Variants in ZBED6 observed in about 807,000 individuals in gnomAD.
ZBED6 encodes the protein zinc finger BED-type containing 6, also known as zinc finger BED domain-containing protein 6.
A neutral mutation model predicts 58.4 loss-of-function variants in ZBED6; 40 were observed. That is an observed-to-expected ratio of 0.68 (90% CI 0.53 to 0.89). The LOEUF is 0.89. ZBED6 is among the 40% of genes least tolerant of loss of function. The pLI is 0.00. For synonymous variants in ZBED6, 439 were observed against 350.6 expected, an observed-to-expected ratio of 1.25 and a Z score of -2.82; for missense variants, 1,057 against 1,003.9, an observed-to-expected ratio of 1.05 and a Z score of -0.71.
intron 16 of ZBED6, 148 bp from the exon 17 acceptor site, chr1:203,851,993 A>C: frequency 1.6e-6 from 1 of 616,920 alleles, no homozygotes; most frequent in Non-Finnish European, 2.6e-6. Context: ...AAAAAAAAAA[A>C]AAGCTTGATC....
chr1:203,831,163 C>T (rs529093669), intron 7 of ZBED6, among the ~76,000 whole-genome samples: 7 of 151,820 alleles, frequency 4.6e-5, no homozygotes, highest in African/African-American at 9.7e-5. Flanking sequence ...GGGCTGGTCT[C>T]GAACTCCCAA....
chr1:203,830,008 C>T (rs918039293), intron 6 of ZBED6, 112 bp downstream of exon 6: 1 of 1,296,950 alleles, frequency 7.7e-7, no homozygotes, highest in Non-Finnish European at 1.1e-6. Flanking sequence ...CGCATACTTA[C>T]CTATACTTAG....
intron 3 of ZBED6, among the ~76,000 whole-genome samples, chr1:203,823,659 GCTAA>G (rs1324272420): frequency 4.6e-5 from 7 of 152,200 alleles, no homozygotes; most frequent in Non-Finnish European, 8.8e-5. Context: ...GAGCTGCTAT[GCTAA>G]CTCTTTTCTG....
chr1:203,821,048 C>T (rs1678489694), intron 3 of ZBED6, among the ~76,000 whole-genome samples: 1 of 152,138 alleles, frequency 6.6e-6, no homozygotes, highest in Admixed American at 6.5e-5. Flanking sequence ...ACCTGAATCT[C>T]ACCTCTATCG....
Position 203,847,259 on chromosome 1 carries a change from G to A in ZBED6, c.*3817G>A, listed in dbSNP as rs41264263. 8.8e-4 allele frequency: 1,421 copies of A among 1,613,858 alleles called. 1 individual carries two copies. Among genetic ancestry groups the A allele is most frequent in the Admixed American group, 1.8e-3 (109 of 59,998 alleles). The stretch of plus-strand genomic sequence containing the variant: ...CTTCTTGAAAGAGCCAGTCAGAAAC[G>A]TGGAGAATTGCAAACTAAACTCAAG... On this transcript the variant is annotated 3_prime_UTR_variant, in exon 12 of 17. Coordinates refer to ENST00000550078, the Ensembl canonical transcript of ZBED6.
At chr1:203,837,892 C>T (rs573629327) in intron 9 of ZBED6, 74 bp from the exon 10 acceptor site, 18 of 1,382,836 alleles carry the variant, frequency 1.3e-5, no homozygotes, top group Non-Finnish European at 1.8e-5. Context: ...GCTATGTTGT[C>T]TGTTTTTGTT....
At chr1:203,824,555 A>G (rs1679857081) in intron 3 of ZBED6, among the ~76,000 whole-genome samples, 1 of 152,190 alleles carries the variant, frequency 6.6e-6, no homozygotes, top group Non-Finnish European at 1.5e-5. Flanking sequence ...AAAAAATTTG[A>G]GTCATCTGAC....
chr1:203,809,417 C>T (rs1673577929), intron 1 of ZBED6, among the ~76,000 whole-genome samples: 3 of 151,756 alleles, frequency 2.0e-5, no homozygotes, highest in Non-Finnish European at 4.4e-5. Flanking sequence ...CCTCGTGATC[C>T]GCCCATCTCC....
At chr1:203,797,383 A>G (rs1668893381) in exon 1 of ZBED6, 2 of 761,452 alleles carry the variant, frequency 2.6e-6, no homozygotes, top group South Asian at 4.8e-5. Context: ...CCTGGCTTGG[A>G]AGTTATTGGT....
intron 3 of ZBED6, among the ~76,000 whole-genome samples, chr1:203,821,836 C>A (rs571063399): frequency 2.3e-4 from 35 of 151,980 alleles, no homozygotes; most frequent in Admixed American, 2.1e-3. Context: ...CCGCTCACTG[C>A]AAGCTCCGCC....
At chr1:203,807,537 G>GT (rs1672793998) in intron 1 of ZBED6, among the ~76,000 whole-genome samples, 1 of 149,104 alleles carries the variant, frequency 6.7e-6, no homozygotes, top group Non-Finnish European at 1.5e-5. Context: ...TTTTTTGTTG[G>GT]TTTTTTAGAG....
At chr1:203,830,878 C>T (rs1682035420) in intron 7 of ZBED6, among the ~76,000 whole-genome samples, 1 of 139,126 alleles carries the variant, frequency 7.2e-6, no homozygotes, top group South Asian at 2.3e-4. Context: ...CTAGGATTTT[C>T]TTCTGGAGCT....
chr1:203,849,848 T>C (rs1455813724), exon 14 of ZBED6: 1 of 1,614,034 alleles, frequency 6.2e-7, no homozygotes, highest in South Asian at 1.1e-5. Flanking sequence ...ATGTAGCCTC[T>C]TGCAATACCC....
chr1:203,847,657 A>G (rs1688240783), exon 12 of ZBED6: 1 of 1,612,678 alleles, frequency 6.2e-7, no homozygotes. Flanking sequence ...TCCAGGGGCA[A>G]GGCGGCTGCT....
intron 3 of ZBED6, among the ~76,000 whole-genome samples, chr1:203,819,966 G>A (rs531511460): frequency 7.9e-5 from 12 of 151,850 alleles, no homozygotes; most frequent in African/African-American, 2.7e-4. Context: ...GCTGGGCTCA[G>A]TGGCTCACGC....
intron 1 of ZBED6, among the ~76,000 whole-genome samples, chr1:203,811,476 G>A (rs1674477759): frequency 6.6e-6 from 1 of 152,144 alleles, no homozygotes. Flanking sequence ...GATTTTGTGA[G>A]TGAGATTGAC....
At chr1:203,798,531 A>G (rs1391055461) in exon 1 of ZBED6, 1 of 1,536,146 alleles carries the variant, frequency 6.5e-7, no homozygotes, top group Admixed American at 2.0e-5. Context: ...TGAAGCTGAG[A>G]CTGAGAGAAG....
At chr1:203,795,860 G>A (rs2102306438) in exon 1 of ZBED6, 1 of 151,902 alleles carries the variant, frequency 6.6e-6, no homozygotes, top group Admixed American at 6.5e-5. Flanking sequence ...AGAGGGCGAG[G>A]GGAGTGGCAG....
chr1:203,811,014 G>A (rs1024620246), intron 1 of ZBED6, among the ~76,000 whole-genome samples: 3 of 151,670 alleles, frequency 2.0e-5, no homozygotes, highest in African/African-American at 4.8e-5. Context: ...GGTGGTAGGC[G>A]CCTGTAATCC....
Sources: allele counts gnomAD v4.1 joint callset (sites outside exome capture counted in the v4.1 genomes callset), GRCh38; gene constraint gnomAD v4.1.1; transcripts MANE v1.5; gene names NCBI Gene and HGNC (gene_info 2026-07-23, HGNC 2026-07-21).